Variants in FAT2 observed in about 807,000 individuals in gnomAD.
FAT2 encodes protocadherin Fat 2.
In FAT2, 150 loss-of-function variants were observed where a neutral mutation model predicts 295.3. The ratio of observed to expected loss-of-function variants is 0.51; its 90% CI spans 0.44 to 0.58. FAT2 has a LOEUF of 0.58. FAT2 is among the 20% of genes least tolerant of loss of function. The pLI is 0.00. For synonymous variants in FAT2, 2,026 were observed against 2,150.3 expected (o/e 0.94, Z 1.60); for missense variants, 4,868 against 5,442.7 (o/e 0.89, Z 3.32).
In FAT2 at chr5:151,544,522, C is replaced by G. The variant is rs1342973239; in HGVS notation, c.6605G>C (p.Arg2202Pro). The change falls in exon 10 of 24, where the codon CGG becomes CCG. Residue 2202 changes from arginine (R) to proline (P), a missense_variant. Around this residue, in one of 5 missense-constraint regions of FAT2, gnomAD observed 3,297 missense variants for 3,669.4 expected, o/e 0.90. Transcript: ENST00000261800. ...TTCCTCCACAATGTTGTAGATGAGC[C>G]GGAGTCCCTCTGGACTCCGGGCCTG... Reference protein sequence around the residue: ...HTQARSPEGLRLIYNIVEEEP... With the variant: ...HTQARSPEGLPLIYNIVEEEP... 6.2e-7 allele frequency: 1 copy of G among 1,613,906 alleles called. No homozygotes were observed. The highest frequency in any genetic ancestry group is 1.1e-5 in the South Asian group (1 of 91,040).
intron 19 of FAT2, among the ~76,000 whole-genome samples, chr5:151,518,751 G>A (rs1753143768): frequency 6.6e-6 from 1 of 152,212 alleles, no homozygotes; most frequent in Non-Finnish European, 1.5e-5. Context: ...AGTTTCTTAA[G>A]CATCTTTGAC....
intron 10 of FAT2, among the ~76,000 whole-genome samples, chr5:151,541,622 T>C (rs946552872): frequency 7.2e-5 from 11 of 152,208 alleles, no homozygotes; most frequent in Non-Finnish European, 1.3e-4. Context: ...AACTCTCTCA[T>C]GGCCACTGGT....
intron 19 of FAT2, among the ~76,000 whole-genome samples, chr5:151,519,517 C>A (rs932016432): frequency 6.6e-6 from 1 of 152,044 alleles, no homozygotes; most frequent in Non-Finnish European, 1.5e-5. Context: ...TAAGTTCTCT[C>A]GGAGAATCTG....
intron 17 of FAT2, 152 bp from the exon 18 acceptor site, chr5:151,526,117 G>T (rs1753958349): frequency 3.7e-6 from 3 of 805,924 alleles, no homozygotes; most frequent in Non-Finnish European, 4.0e-6. Context: ...CATTCATTCT[G>T]CCTGCCTTTG....
chr5:151,563,725 G>A (rs1039357421), intron 2 of FAT2, 86 bp from the exon 3 acceptor site: 7 of 1,080,780 alleles, frequency 6.5e-6, no homozygotes, highest in East Asian at 4.8e-5. Context: ...TCCCCAAACC[G>A]CACTGTGGAA....
chr5:151,551,384 C>T, intron 7 of FAT2, 83 bp downstream of exon 7: 1 of 1,462,320 alleles, frequency 6.8e-7, no homozygotes, highest in Non-Finnish European at 9.3e-7. Flanking sequence ...ACCACATCCA[C>T]AGAAAACCTC....
intron 1 of FAT2, among the ~76,000 whole-genome samples, chr5:151,581,281 G>A (rs1581472801): frequency 6.6e-6 from 1 of 152,180 alleles, no homozygotes; most frequent in Admixed American, 6.5e-5. Context: ...TGGGCACAGT[G>A]CCTTGCATGT....
Position 151,556,782 on chromosome 5 carries a change from G to A in FAT2, c.3575-380C>T, listed in dbSNP as rs538563126. On this transcript the variant is annotated intron_variant, in intron 3 of 23. Transcript: ENST00000261800. ...TAATGCAAGTGTTCTGAGCGCATAC[G>A]AGGTAGGCAAGGCTAAGGTATCATG... 5.9e-5 allele frequency among the ~76,000 whole-genome samples: 9 copies of A among 152,276 alleles called. No homozygotes were observed. The South Asian group carries it at 8.3e-4, about 14-fold the overall frequency.
At chr5:151,554,792 T>C in intron 4 of FAT2, 119 bp from the exon 5 acceptor site, 1 of 789,558 alleles carries the variant, frequency 1.3e-6, no homozygotes, top group East Asian at 2.6e-5. Context: ...CTTTTTATTA[T>C]CATAACTTCA....
At chr5:151,554,220 C>T in intron 5 of FAT2, 142 bp downstream of exon 5, 1 of 755,604 alleles carries the variant, frequency 1.3e-6, no homozygotes, top group Non-Finnish European at 2.1e-6. Context: ...AGCTGAGACT[C>T]CCAGTTTCTC....
intron 8 of FAT2, 38 bp downstream of exon 8, chr5:151,550,552 T>A (rs1217562928): frequency 1.9e-6 from 3 of 1,608,216 alleles, no homozygotes; most frequent in Non-Finnish European, 2.5e-6. Flanking sequence ...CACATCTACA[T>A]GCAAACGTAT....
At chr5:151,555,474 G>A (rs1330394204) in intron 4 of FAT2, among the ~76,000 whole-genome samples, 1 of 149,136 alleles carries the variant, frequency 6.7e-6, no homozygotes, top group East Asian at 2.0e-4. Context: ...AGGTTCAAGT[G>A]CTTCTCCGCC....
chr5:151,512,107 C>G lies in FAT2; in HGVS notation c.11905+58G>C. The G allele has an allele frequency of 6.6e-7, 1 of 1,525,770 alleles. No individual in the cohort carries two copies. The highest frequency in any genetic ancestry group is 8.9e-7 in the Non-Finnish European group (1 of 1,121,498). 94.5% of individuals were successfully genotyped at this position (1,525,770 alleles called of 1,614,324 possible). On this transcript the variant is annotated intron_variant, in intron 21 of 23. Coordinates refer to ENST00000261800, the MANE Select transcript of FAT2 (RefSeq NM_001447.3). This position sits in a 1 kb window ranked among gnomAD's most constrained non-coding sequence, Gnocchi z 4.1. ...AGATCTCCACCCTGACATGCTTTTC[C>G]CACCTGAAGAGCCTTCTGGGATAAA...
chr5:151,581,383 G>A (rs1003820541), intron 1 of FAT2, among the ~76,000 whole-genome samples: 2 of 152,110 alleles, frequency 1.3e-5, no homozygotes, highest in African/African-American at 4.8e-5. Context: ...GCCAAGCAGG[G>A]GGCCCAGGGA....
chr5:151,584,207 A>G (rs1424552726), intron 1 of FAT2, among the ~76,000 whole-genome samples: 2 of 151,816 alleles, frequency 1.3e-5, no homozygotes, highest in African/African-American at 4.8e-5. Context: ...AAGCTCAGGA[A>G]CCATGCCAGG....
intron 2 of FAT2, among the ~76,000 whole-genome samples, chr5:151,563,947 C>G (rs1758136604): frequency 6.6e-6 from 1 of 152,200 alleles, no homozygotes; most frequent in African/African-American, 2.4e-5. Flanking sequence ...CTCTTGGCTA[C>G]TTAAACCCAA....
At position 151,553,434 on chromosome 5, in the gene FAT2, G is replaced by A. The variant is rs75675283; in HGVS notation, c.3946-47C>T. 2,556 of 1,567,214 alleles carry A rather than the reference G, an allele frequency of 1.6e-3. 30 individuals carry two copies. The African/African-American group carries it at 0.03, about 19-fold the overall frequency. ...AACTGAGGTTTGGGGCCAAGAGACA[G>A]GAAGACCCAAGCAGCCAGGACAGGA... On this transcript the variant is annotated intron_variant, in intron 5 of 23. Coordinates refer to ENST00000261800, the MANE Select transcript of FAT2 (RefSeq NM_001447.3).
rs1171640216 is a variant in FAT2, at chr5:151,525,897, G to T, written c.10377C>A (p.Gly3459=). ...TGGTGATTCGAAACGAGTAGGGGGGGCCATTCTCTGGAGAATCTGGGTCAC... is the reference window on the plus strand; with the variant it reads ...TGGTGATTCGAAACGAGTAGGGGGGTCCATTCTCTGGAGAATCTGGGTCAC... The part of the protein sequence containing the change: ...ILSDPDSPEN[G]PPYSFRITKG... The change falls in exon 18 of 24, where the codon GGC becomes GGA. Residue 3459 remains glycine (G), a synonymous_variant. Transcript: ENST00000261800. 5 of 1,614,170 alleles carry T rather than the reference G, an allele frequency of 3.1e-6. No homozygotes were observed. In the Admixed American group the frequency reaches 8.3e-5, roughly 27 times the overall value.
Position 151,543,527 on chromosome 5 carries a change from T to G in FAT2, c.7600A>C (p.Asn2534His). ...LASEKFSINP[N>H]GQIATLQKLD... ...TTCTGCAGAGTGGCAATCTGGCCAT[T>G]GGGGTTTATGGAGAACTTCTCACTT... The change falls in exon 10 of 24, where the codon AAT becomes CAT. Residue 2534 changes from asparagine (N) to histidine (H), a missense_variant. Transcript: ENST00000261800. The G allele has an allele frequency of 1.2e-6, 2 of 1,614,202 alleles. No homozygotes were observed. Among genetic ancestry groups the G allele is most frequent in the Non-Finnish European group, 1.7e-6 (2 of 1,180,034 alleles).
Sources: allele counts gnomAD v4.1 joint callset (sites outside exome capture counted in the v4.1 genomes callset), GRCh38; gene constraint gnomAD v4.1.1; regional missense constraint gnomAD v4.1.1; non-coding constraint Gnocchi (gnomAD v3.1); transcripts MANE v1.5; gene names NCBI Gene and HGNC (gene_info 2026-07-23, HGNC 2026-07-21).